NOX4: variants seen among roughly 807,000 people sequenced by gnomAD.
NOX4 encodes the protein NADPH oxidase 4, also known as kidney oxidase-1.
In NOX4, 69 loss-of-function variants were observed where a neutral mutation model predicts 87.6. That is an observed-to-expected ratio of 0.79 (90% CI 0.65 to 0.96). The LOEUF is 0.96. Ranked by LOEUF, NOX4 falls within the 40% of genes least tolerant of loss-of-function variation. The pLI is 0.00. For missense variants in NOX4, 680 were observed against 681.5 expected (o/e 1.00, Z 0.02); for synonymous variants, 275 against 238.2 (o/e 1.15, Z -1.42).
chr11:89,486,732 AT>A lies in NOX4; in HGVS notation c.153+3725del, dbSNP rs568459122. On this transcript the variant is annotated intron_variant, in intron 2 of 17. Transcript: ENST00000263317. Reference sequence around the variant, plus strand: ...TGTATATATGTGTATATATATGTATATTTTTTTTATTTTTGTAAAGATGGGG... The same window carrying A: ...TGTATATATGTGTATATATATGTATATTTTTTTATTTTTGTAAAGATGGGG... Among the ~76,000 whole-genome samples, 4 of 142,268 alleles carry A rather than the reference AT, an allele frequency of 2.8e-5. 1 individual carries two copies. In the Admixed American group the frequency reaches 2.9e-4, roughly 10 times the overall value. 93.3% of individuals were successfully genotyped at this position (142,268 alleles called of 152,430 possible). A position where few individuals can be genotyped will look rare whatever the true frequency, so the allele number is the denominator to read the frequency against.
intron 12 of NOX4, among the ~76,000 whole-genome samples, chr11:89,366,825 T>C (rs1939035309): frequency 6.6e-6 from 1 of 152,142 alleles, no homozygotes; most frequent in African/African-American, 2.4e-5. Flanking sequence ...GAATTCTTTA[T>C]TTACTAAGCA....
At chr11:89,379,888 C>G (rs1303470427) in intron 11 of NOX4, among the ~76,000 whole-genome samples, 2 of 152,156 alleles carry the variant, frequency 1.3e-5, no homozygotes, top group African/African-American at 2.4e-5. Flanking sequence ...CCTAACTGGA[C>G]CCCCTGTTTC....
chr11:89,546,897 A>G, the NOX4 span, among the ~76,000 whole-genome samples: 2 of 152,234 alleles, frequency 1.3e-5, no homozygotes, highest in Non-Finnish European at 2.9e-5. Flanking sequence ...ACATAGTTGC[A>G]TAATGAATTG....
intron 4 of NOX4, among the ~76,000 whole-genome samples, chr11:89,445,001 T>C (rs1352449215): frequency 2.0e-5 from 3 of 151,988 alleles, no homozygotes; most frequent in African/African-American, 4.8e-5. Flanking sequence ...CATCACACCT[T>C]CCCCCTTGCT....
intron 8 of NOX4, among the ~76,000 whole-genome samples, chr11:89,406,815 TA>T (rs1942212722): frequency 6.6e-6 from 1 of 152,030 alleles, no homozygotes; most frequent in Admixed American, 6.6e-5. Flanking sequence ...AAATGATAAT[TA>T]AAAAGGGCAA....
chr11:89,426,796 G>A (rs1943444577), intron 7 of NOX4, among the ~76,000 whole-genome samples: 1 of 152,162 alleles, frequency 6.6e-6, no homozygotes, highest in African/African-American at 2.4e-5. Flanking sequence ...ACCTCGGGGG[G>A]CAGGGCATAG....
intron 7 of NOX4, among the ~76,000 whole-genome samples, chr11:89,426,558 G>A (rs1369418911): frequency 6.6e-6 from 1 of 152,206 alleles, no homozygotes; most frequent in Admixed American, 6.5e-5. Context: ...TTAGCAAACG[G>A]CACACCAGGA....
the NOX4 span, among the ~76,000 whole-genome samples, chr11:89,512,625 T>C: frequency 1.6e-4 from 24 of 152,254 alleles, no homozygotes; most frequent in African/African-American, 5.5e-4. Flanking sequence ...GGCTGAGTAA[T>C]ATTACATTGT....
At position 89,432,903 on chromosome 11, in the gene NOX4, A is replaced by G. The variant is rs201398023; in HGVS notation, c.476-47T>C. 1.6e-3 allele frequency: 1,959 copies of G among 1,211,302 alleles called. 16 individuals carry two copies. The highest frequency in any genetic ancestry group is 8.8e-3 in the South Asian group (698 of 79,686). 75.0% of individuals were successfully genotyped at this position (1,211,302 alleles called of 1,614,324 possible). On this transcript the variant is annotated intron_variant, in intron 6 of 17. Coordinates refer to ENST00000263317, the MANE Select transcript of NOX4 (RefSeq NM_016931.5). ...GGTTTTTACTTAAATCATAGTGAGA[A>G]AAAAATACAAAAAATGATTATATTA... is the stretch of plus-strand genomic sequence containing the variant.
At chr11:89,562,933 C>G in the NOX4 span, among the ~76,000 whole-genome samples, 5 of 152,200 alleles carry the variant, frequency 3.3e-5, 1 homozygote, top group Admixed American at 3.3e-4. Flanking sequence ...ATGCTGTTCT[C>G]CTGATAGTGA....
chr11:89,525,930 T>C, the NOX4 span, among the ~76,000 whole-genome samples: 1 of 152,150 alleles, frequency 6.6e-6, no homozygotes, highest in Non-Finnish European at 1.5e-5. Flanking sequence ...TTTTCCCATA[T>C]CAATATTCAG....
At chr11:89,432,636 C>G (rs1040746244) in intron 7 of NOX4, 148 bp downstream of exon 7, 13 of 547,340 alleles carry the variant, frequency 2.4e-5, no homozygotes, top group African/African-American at 1.5e-4. Context: ...AACAAGAAGT[C>G]ATGTATAGAA....
At chr11:89,354,093 A>G (rs1937792381) in intron 13 of NOX4, among the ~76,000 whole-genome samples, 1 of 152,248 alleles carries the variant, frequency 6.6e-6, no homozygotes, top group South Asian at 2.1e-4. Context: ...AAGTTTATGA[A>G]TACTTGAAAA....
rs1192915881 is a variant in NOX4, at chr11:89,414,522, A to T, written c.629+7380T>A. ...ATACTGATAAGAATATCTCTTCCACAGCATTTTTATCTGCTCCAGTCTAAA... is the reference window on the plus strand; with the variant it reads ...ATACTGATAAGAATATCTCTTCCACTGCATTTTTATCTGCTCCAGTCTAAA... On this transcript the variant is annotated intron_variant, in intron 8 of 17. Coordinates refer to ENST00000263317, the MANE Select transcript of NOX4 (RefSeq NM_016931.5). Among the ~76,000 whole-genome samples, 4 of 151,430 alleles carry T rather than the reference A, an allele frequency of 2.6e-5. No individual in the cohort carries two copies. The Admixed American group carries it at 2.6e-4, about 10-fold the overall frequency.
At chr11:89,327,181 G>T (rs1945254845) in intron 17 of NOX4, among the ~76,000 whole-genome samples, 1 of 152,130 alleles carries the variant, frequency 6.6e-6, no homozygotes, top group Admixed American at 6.5e-5. Context: ...TGTCATTGGT[G>T]AAACCAGCAA....
At chr11:89,467,877 T>C (rs757770894) in intron 2 of NOX4, among the ~76,000 whole-genome samples, 6 of 152,190 alleles carry the variant, frequency 3.9e-5, no homozygotes, top group Admixed American at 6.5e-5. Flanking sequence ...GGAAGTAATT[T>C]TGGCAATTAC....
chr11:89,368,475 G>A (rs1258204501), intron 12 of NOX4, among the ~76,000 whole-genome samples: 2 of 152,060 alleles, frequency 1.3e-5, no homozygotes, highest in South Asian at 2.1e-4. Context: ...TCTGCTCTCC[G>A]CTTCTAAGCT....
chr11:89,482,008 T>G (rs946817173), intron 2 of NOX4, among the ~76,000 whole-genome samples: 5 of 152,080 alleles, frequency 3.3e-5, no homozygotes, highest in Admixed American at 6.6e-5. Flanking sequence ...GATGCCAAGA[T>G]CTAAAAAATC....
At chr11:89,455,879 AG>A (rs778523612) in intron 2 of NOX4, among the ~76,000 whole-genome samples, 28 of 152,002 alleles carry the variant, frequency 1.8e-4, no homozygotes, top group Non-Finnish European at 1.3e-4. Flanking sequence ...GCTAAAAAAA[AG>A]AAATTGAACT....
Sources: allele counts gnomAD v4.1 joint callset (sites outside exome capture counted in the v4.1 genomes callset), GRCh38; gene constraint gnomAD v4.1.1; transcripts MANE v1.5; gene names NCBI Gene and HGNC (gene_info 2026-07-23, HGNC 2026-07-21).